The following KCNH5 variants were observed in gnomAD, a reference collection of about 807,000 sequenced individuals.
The protein encoded by KCNH5 is voltage-gated delayed rectifier potassium channel KCNH5.
In KCNH5, 46 loss-of-function variants were observed where a neutral mutation model predicts 96.1. The observed-to-expected ratio is 0.48, with a 90% confidence interval of 0.38 to 0.61. The LOEUF is 0.61. KCNH5 is among the 20% of genes least tolerant of loss of function. The pLI, the probability that KCNH5 is intolerant of heterozygous loss-of-function variation, is 0.00. For missense variants in KCNH5, 907 were observed against 1,225.8 expected, an observed-to-expected ratio of 0.74 and a Z score of 3.88; for synonymous variants, 439 against 449.8, an observed-to-expected ratio of 0.98 and a Z score of 0.30.
chr14:62,912,460 G>A (rs1426376235), intron 7 of KCNH5, among the ~76,000 whole-genome samples: 1 of 151,052 alleles, frequency 6.6e-6, no homozygotes, highest in Non-Finnish European at 1.5e-5. Flanking sequence ...TGGATGGAGT[G>A]CAATGGCACA....
intron 7 of KCNH5, among the ~76,000 whole-genome samples, chr14:62,881,519 C>A (rs1472211789): frequency 6.6e-6 from 1 of 152,058 alleles, no homozygotes; most frequent in African/African-American, 2.4e-5. Context: ...GAGAAATAAC[C>A]AATAGGTGCC....
At chr14:62,812,478 G>A (rs1409604170) in intron 8 of KCNH5, among the ~76,000 whole-genome samples, 1 of 152,110 alleles carries the variant, frequency 6.6e-6, no homozygotes, top group Non-Finnish European at 1.5e-5. Flanking sequence ...ACATGAAAAG[G>A]ACCTGAGCCA....
chr14:62,812,514 T>C (rs1244062498), intron 8 of KCNH5, among the ~76,000 whole-genome samples: 1 of 152,144 alleles, frequency 6.6e-6, no homozygotes, highest in Non-Finnish European at 1.5e-5. Flanking sequence ...TAAATGTTAC[T>C]TTCCTTGGGT....
Position 63,006,480 on chromosome 14 carries a change from G to C in KCNH5, c.198-8C>G. 3 of 1,521,682 alleles carry C rather than the reference G, an allele frequency of 2.0e-6. No homozygotes were observed. Among genetic ancestry groups the C allele is most frequent in the South Asian group, 2.3e-5 (2 of 86,536 alleles). The allele number at this position is 1,521,682 out of a possible 1,614,324, so 94.3% of individuals were successfully genotyped here. A position where few individuals can be genotyped will look rare whatever the true frequency, so the allele number is the denominator to read the frequency against. ...AATTCCCCATACATAAAACTGGGGG[G>C]GAAAAAAAACAAACAATCGATTTCA... On this transcript the variant is annotated splice_region_variant and splice_polypyrimidine_tract_variant and intron_variant, in intron 2 of 10. Transcript: ENST00000322893.
At chr14:62,716,081 C>T (rs1884678824) in intron 10 of KCNH5, among the ~76,000 whole-genome samples, 1 of 152,116 alleles carries the variant, frequency 6.6e-6, no homozygotes, top group African/African-American at 2.4e-5. Flanking sequence ...ATGTTTTTCA[C>T]AATGAACAAA....
chr14:62,881,425 T>C (rs79948089), intron 7 of KCNH5, among the ~76,000 whole-genome samples: 3,087 of 152,184 alleles, frequency 0.02, 57 homozygotes, highest in East Asian at 0.08. Context: ...ACATAACTGA[T>C]AAGTGGGAAC....
At chr14:62,711,289 A>G (rs1474746142) in intron 10 of KCNH5, among the ~76,000 whole-genome samples, 2 of 152,100 alleles carry the variant, frequency 1.3e-5, no homozygotes, top group Non-Finnish European at 2.9e-5. Flanking sequence ...CTAGAAACAA[A>G]GACTCCAAAT....
At chr14:62,727,330 A>G (rs1011635709) in intron 10 of KCNH5, among the ~76,000 whole-genome samples, 7 of 152,200 alleles carry the variant, frequency 4.6e-5, no homozygotes, top group Non-Finnish European at 5.9e-5. Flanking sequence ...ACGCCACTGC[A>G]CTCCAGCATG....
Position 62,853,456 on chromosome 14 carries a change from C to CATATATATATATATATAT in KCNH5, c.1370-3622_1370-3605dup, listed in dbSNP as rs61444088. Among the ~76,000 whole-genome samples the CATATATATATATATATAT allele has an allele frequency of 4.3e-4, 40 of 93,292 alleles. 1 individual carries two copies. In the South Asian group the frequency reaches 4.5e-3, roughly 10 times the overall value. The allele number at this position is 93,292 out of a possible 152,430, so 61.2% of individuals were successfully genotyped here. On this transcript the variant is annotated intron_variant, in intron 7 of 10. Coordinates refer to ENST00000322893, the MANE Select transcript of KCNH5 (RefSeq NM_139318.5). The stretch of plus-strand genomic sequence containing the variant: ...TCATTTCCCAAACAAAAAGAATAAT[C>CATATATATATATATATAT]ATATATATATATATATATATATATC...
chr14:62,921,060 C>A (rs1054360268), intron 7 of KCNH5, among the ~76,000 whole-genome samples: 3 of 152,112 alleles, frequency 2.0e-5, no homozygotes, highest in African/African-American at 7.2e-5. Context: ...CTTTAGCTAT[C>A]CCAAAGTACT....
chr14:62,823,400 T>C (rs571409825), intron 8 of KCNH5, among the ~76,000 whole-genome samples: 1 of 152,216 alleles, frequency 6.6e-6, no homozygotes, highest in South Asian at 2.1e-4. Context: ...CAGATTGTCA[T>C]GCTACACCTT....
At chr14:62,759,433 T>C (rs749483023) in intron 10 of KCNH5, among the ~76,000 whole-genome samples, 3 of 152,152 alleles carry the variant, frequency 2.0e-5, no homozygotes, top group Admixed American at 6.5e-5. Context: ...TATTTGATTA[T>C]GGAAAATACT....
At chr14:62,760,393 T>C (rs1424548970) in intron 10 of KCNH5, among the ~76,000 whole-genome samples, 1 of 152,222 alleles carries the variant, frequency 6.6e-6, no homozygotes, top group Non-Finnish European at 1.5e-5. Flanking sequence ...AAATTCCTGA[T>C]CAGGGTCCAG....
intron 1 of KCNH5, among the ~76,000 whole-genome samples, chr14:63,021,348 T>C (rs1396387817): frequency 1.3e-5 from 2 of 152,162 alleles, no homozygotes; most frequent in Admixed American, 6.5e-5. Context: ...TCCCTACCTA[T>C]ACAAACATGT....
At position 62,802,398 on chromosome 14, in the gene KCNH5, C is replaced by A. The variant is rs1451364717; in HGVS notation, c.1753G>T (p.Asp585Tyr). 6.2e-7 allele frequency: 1 copy of A among 1,614,116 alleles called. No homozygotes were observed. The change falls in exon 9 of 11, where the codon GAT becomes TAT. Residue 585 changes from aspartate (D) to tyrosine (Y), a missense_variant. Physicochemically the swap from Asp to Tyr is radical, Grantham distance 160. Coordinates refer to ENST00000322893, the MANE Select transcript of KCNH5 (RefSeq NM_139318.5). ...DLIYHAGESV[D>Y]ALCFVVSGSL... is the part of the protein sequence containing the mutation. ...CCTGACACCACAAAGCAGAGGGCATCCACACTTTCTCCAGCATGGTAAATG... is the reference window on the plus strand; with the variant it reads ...CCTGACACCACAAAGCAGAGGGCATACACACTTTCTCCAGCATGGTAAATG...
chr14:62,836,392 C>A (rs1887467469), intron 8 of KCNH5, among the ~76,000 whole-genome samples: 1 of 151,978 alleles, frequency 6.6e-6, no homozygotes, highest in African/African-American at 2.4e-5. Context: ...GTCACTATAC[C>A]AATTCAGTTC....
At chr14:62,903,965 G>A (rs1010103016) in intron 7 of KCNH5, among the ~76,000 whole-genome samples, 5 of 151,804 alleles carry the variant, frequency 3.3e-5, no homozygotes, top group African/African-American at 1.2e-4. Flanking sequence ...TTTCTTAAAT[G>A]AAAAATATCA....
chr14:62,899,351 T>C (rs1376837284), intron 7 of KCNH5, among the ~76,000 whole-genome samples: 2 of 151,978 alleles, frequency 1.3e-5, no homozygotes, highest in Non-Finnish European at 2.9e-5. Flanking sequence ...AAAGAAGACA[T>C]CAAAATAGGA....
At chr14:62,903,868 G>T in intron 7 of KCNH5, among the ~76,000 whole-genome samples, 1 of 151,808 alleles carries the variant, frequency 6.6e-6, no homozygotes, top group East Asian at 1.9e-4. Flanking sequence ...ATACTAAAAA[G>T]TAGATCTAAT....
Sources: gnomAD v4.1 joint callset for allele counts (sites outside exome capture counted in the v4.1 genomes callset) on GRCh38, gnomAD v4.1.1 for gene constraint, MANE v1.5 for transcripts, NCBI Gene and HGNC (gene_info 2026-07-23, HGNC 2026-07-21) for gene names.